NEDD4L: variants seen among roughly 807,000 people sequenced by gnomAD.
The protein encoded by NEDD4L is NEDD4 like E3 ubiquitin protein ligase, also known as E3 ubiquitin-protein ligase NEDD4-like.
A neutral mutation model predicts 148.9 loss-of-function variants in NEDD4L; 54 were observed. That is an observed-to-expected ratio of 0.36 (90% CI 0.29 to 0.45). The LOEUF is 0.45. NEDD4L is among the 20% of genes least tolerant of loss of function. NEDD4L has a pLI of 1.00. For missense variants in NEDD4L, 856 were observed against 1,233.8 expected (o/e 0.69, Z 4.59); for synonymous variants, 433 against 440.7 (o/e 0.98, Z 0.22).
In NEDD4L at chr18:58,103,505, C is replaced by T. The variant is rs189210927; in HGVS notation, c.48+58797C>T. Among the ~76,000 whole-genome samples the T allele has an allele frequency of 3.9e-5, 6 of 152,086 alleles. No homozygotes were observed. The East Asian group carries it at 5.8e-4, about 15-fold the overall frequency. ...TAAATAACAGATGCATGTCAGAATC[C>T]GTGGCCAATCACAGCACTTCTTTCA... On this transcript the variant is annotated intron_variant, in intron 1 of 30. Transcript: ENST00000400345.
chr18:58,353,190 G>C (rs1468323613), intron 18 of NEDD4L, among the ~76,000 whole-genome samples: 1 of 152,234 alleles, frequency 6.6e-6, no homozygotes, highest in Non-Finnish European at 1.5e-5. Context: ...GAAGGTGGAA[G>C]AAGGTAACTA....
In NEDD4L at chr18:58,141,726, C is replaced by T. The variant is rs561343579; in HGVS notation, c.49-24062C>T. On this transcript the variant is annotated intron_variant, in intron 1 of 30. Transcript: ENST00000400345. ...AATGCATGTATTATATATGTGCATGCGTCTCATTTACATTGAATGTAGCTA... is the reference window on the plus strand; with the variant it reads ...AATGCATGTATTATATATGTGCATGTGTCTCATTTACATTGAATGTAGCTA... 2.1e-4 allele frequency among the ~76,000 whole-genome samples: 32 copies of T among 152,186 alleles called. No homozygotes were observed. The East Asian group carries it at 3.9e-3, about 18-fold the overall frequency.
intron 5 of NEDD4L, among the ~76,000 whole-genome samples, chr18:58,270,537 T>G (rs1179626539): frequency 1.3e-5 from 2 of 152,218 alleles, no homozygotes; most frequent in African/African-American, 2.4e-5. Flanking sequence ...TCTGAACAAT[T>G]TTTTGACACG....
chr18:58,086,787 C>T (rs2083782767), intron 1 of NEDD4L, among the ~76,000 whole-genome samples: 1 of 152,198 alleles, frequency 6.6e-6, no homozygotes, highest in African/African-American at 2.4e-5. Flanking sequence ...TGTTGTGTAA[C>T]AAATTGCCTC....
At chr18:58,176,990 C>T (rs1167007389) in intron 2 of NEDD4L, among the ~76,000 whole-genome samples, 3 of 152,112 alleles carry the variant, frequency 2.0e-5, no homozygotes, top group Admixed American at 1.3e-4. Flanking sequence ...GTGCTGGGGT[C>T]GCATTTTGAC....
chr18:58,063,105 G>T (rs2082415405), intron 1 of NEDD4L, among the ~76,000 whole-genome samples: 1 of 129,446 alleles, frequency 7.7e-6, no homozygotes, highest in African/African-American at 2.9e-5. Flanking sequence ...GAGTGCAGTG[G>T]CGTTATCACG....
At chr18:58,336,718 C>T (rs1043579038) in intron 13 of NEDD4L, among the ~76,000 whole-genome samples, 3 of 152,128 alleles carry the variant, frequency 2.0e-5, no homozygotes, top group African/African-American at 7.2e-5. Context: ...CAGCATTGTA[C>T]AGAGGAAAAT....
rs532150243 is a variant in NEDD4L at position 58,285,323 on chromosome 18, G to T, written c.298-30659G>T. Among the ~76,000 whole-genome samples, 3 of 152,114 alleles carry T rather than the reference G, an allele frequency of 2.0e-5. No homozygotes were observed. In the South Asian group the frequency reaches 6.2e-4, roughly 32 times the overall value. On this transcript the variant is annotated intron_variant, in intron 5 of 30. Coordinates refer to ENST00000400345, the MANE Select transcript of NEDD4L (RefSeq NM_001144967.3). Reference sequence around the variant, plus strand: ...AACTCCACAATGAGATGATGTGTGTGTGGGTGTGTGTGTGTGTGTGTTTGA... The same window carrying T: ...AACTCCACAATGAGATGATGTGTGTTTGGGTGTGTGTGTGTGTGTGTTTGA...
intron 5 of NEDD4L, chr18:58,255,471 C>G: frequency 8.2e-7 from 1 of 1,225,404 alleles, no homozygotes; most frequent in African/African-American, 1.6e-5. Context: ...CCTGGAATGC[C>G]GCTTGCCACT....
chr18:58,382,671 G>C (rs959463119), intron 24 of NEDD4L, among the ~76,000 whole-genome samples: 7 of 152,154 alleles, frequency 4.6e-5, no homozygotes, highest in African/African-American at 1.7e-4. Context: ...ATGATCATGG[G>C]TGGTGCTAAG....
At chr18:58,252,730 A>AT (rs1000017176) in intron 5 of NEDD4L, among the ~76,000 whole-genome samples, 2 of 151,822 alleles carry the variant, frequency 1.3e-5, no homozygotes. Flanking sequence ...ATTGTTTTTA[A>AT]TTTTTTTTAG....
intron 24 of NEDD4L, among the ~76,000 whole-genome samples, chr18:58,378,928 C>T (rs1000030181): frequency 2.6e-5 from 4 of 152,212 alleles, no homozygotes; most frequent in African/African-American, 9.6e-5. Context: ...CCTCTGATCT[C>T]TGTGAGGAAG....
At chr18:58,089,126 ATTTTTTTTTTTTTT>A (rs570623396) in intron 1 of NEDD4L, among the ~76,000 whole-genome samples, 2 of 100,984 alleles carry the variant, frequency 2.0e-5, no homozygotes, top group African/African-American at 8.0e-5. Flanking sequence ...TTATTTCATA[ATTTTTTTTTTTTTT>A]TTTTTTTTTT....
At chr18:58,096,584 A>G (rs1431941564) in intron 1 of NEDD4L, among the ~76,000 whole-genome samples, 2 of 151,814 alleles carry the variant, frequency 1.3e-5, no homozygotes, top group African/African-American at 2.4e-5. Context: ...TTGTATTTTT[A>G]GTAGAGATGG....
At chr18:58,082,775 C>G (rs111434142) in intron 1 of NEDD4L, among the ~76,000 whole-genome samples, 3,317 of 115,884 alleles carry the variant, frequency 0.029, 147 homozygotes, top group African/African-American at 0.1. Context: ...GTGACAAGAG[C>G]AAGACTCCAT....
At chr18:58,245,696 T>TTTTC (rs2047176223) in intron 3 of NEDD4L, among the ~76,000 whole-genome samples, 188 bp downstream of exon 3, 5 of 145,010 alleles carry the variant, frequency 3.4e-5, no homozygotes, top group Admixed American at 1.4e-4. Flanking sequence ...TTTTTTTTTT[T>TTTTC]TTGAGATGGA....
chr18:58,103,117 T>G (rs2145525840), intron 1 of NEDD4L, among the ~76,000 whole-genome samples: 1 of 152,022 alleles, frequency 6.6e-6, no homozygotes, highest in South Asian at 2.1e-4. Flanking sequence ...GACAGGAGAC[T>G]GACCTTTGTC....
chr18:58,314,286 G>A (rs1009782416), intron 5 of NEDD4L, among the ~76,000 whole-genome samples: 5 of 152,082 alleles, frequency 3.3e-5, no homozygotes, highest in Non-Finnish European at 7.4e-5. Context: ...GCGTGGTGGT[G>A]TGTGCCTGTA....
rs569987095 is a variant in NEDD4L, at chr18:58,256,512, G to A, written c.297+4458G>A. On this transcript the variant is annotated intron_variant, in intron 5 of 30. Transcript: ENST00000400345. The surrounding 1 kb of genome is among the most constrained non-coding windows in gnomAD (Gnocchi z 5.2). ...AGCACCTCGTACCCCACGCAGCCCCGAAGCGAGCGAGGGAGCCCCACGGAA... is the reference window on the plus strand; with the variant it reads ...AGCACCTCGTACCCCACGCAGCCCCAAAGCGAGCGAGGGAGCCCCACGGAA... 6.5e-6 allele frequency: 8 copies of A among 1,232,266 alleles called. No homozygotes were observed. Among genetic ancestry groups the A allele is most frequent in the African/African-American group, 4.6e-5 (3 of 64,544 alleles). 76.3% of individuals were successfully genotyped at this position (1,232,266 alleles called of 1,614,324 possible).
Sources: gnomAD v4.1 joint callset for allele counts (sites outside exome capture counted in the v4.1 genomes callset) on GRCh38, gnomAD v4.1.1 for gene constraint, Gnocchi (gnomAD v3.1) non-coding constraint, MANE v1.5 for transcripts, NCBI Gene and HGNC (gene_info 2026-07-23, HGNC 2026-07-21) for gene names.